Variants in CELF4 observed in about 807,000 individuals in gnomAD.
CELF4 encodes CUG-BP- and ETR-3-like factor 4.
Under a neutral mutation model 59.9 loss-of-function variants are expected in CELF4, and 18 were observed. The observed-to-expected ratio is 0.30, with a 90% CI of 0.21 to 0.45. The LOEUF (loss-of-function observed/expected upper bound fraction) is 0.45. CELF4 is among the 20% of genes least tolerant of loss of function. The pLI is 1.00. For synonymous variants in CELF4, 261 were observed against 267.1 expected (o/e 0.98, Z 0.22); for missense variants, 456 against 689.0 (o/e 0.66, Z 3.79).
intron 3 of CELF4, among the ~76,000 whole-genome samples, chr18:37,287,002 G>A (rs1430008949): frequency 1.3e-5 from 2 of 152,158 alleles, no homozygotes; most frequent in Non-Finnish European, 2.9e-5. Flanking sequence ...CTGCCCCTGC[G>A]CCCTCAGGAC....
chr18:37,427,045 G>GC (rs970674478), intron 2 of CELF4, among the ~76,000 whole-genome samples: 1 of 151,920 alleles, frequency 6.6e-6, no homozygotes, highest in Admixed American at 6.6e-5. Flanking sequence ...CACGGGGGGG[G>GC]GGGAAGCTGG....
chr18:37,432,317 C>G (rs1447326177), intron 2 of CELF4, among the ~76,000 whole-genome samples: 6 of 152,208 alleles, frequency 3.9e-5, no homozygotes, highest in Admixed American at 3.3e-4. Flanking sequence ...TCTGAGGAGG[C>G]CCCCAACTCC....
At chr18:37,275,066 C>T (rs1569475280) in intron 4 of CELF4, 49 bp downstream of exon 4, 4 of 1,600,764 alleles carry the variant, frequency 2.5e-6, no homozygotes, top group African/African-American at 2.7e-5. Flanking sequence ...GGTCTCCCTC[C>T]GCCTCGCCCC....
At position 37,397,839 on chromosome 18, in the gene CELF4, ACCT is replaced by A. The variant is rs1212005813; in HGVS notation, c.370-75961_370-75959del. ...CCAAATCTCTGAATCTGAGCTCTGT[ACCT>A]CCCAGGAATTCCATCCCCAGACCCT... On this transcript the variant is annotated intron_variant, in intron 2 of 12. Transcript: ENST00000420428. 8.5e-5 allele frequency among the ~76,000 whole-genome samples: 13 copies of A among 152,144 alleles called. No homozygotes were observed. In the South Asian group the frequency reaches 2.7e-3, roughly 32 times the overall value.
At chr18:37,520,892 A>G (rs2099956572) in intron 1 of CELF4, among the ~76,000 whole-genome samples, 1 of 152,110 alleles carries the variant, frequency 6.6e-6, no homozygotes, top group South Asian at 2.1e-4. Flanking sequence ...AGATTGATGG[A>G]CAGTGGGGAC....
At chr18:37,451,488 T>C (rs1275799618) in intron 2 of CELF4, among the ~76,000 whole-genome samples, 1 of 152,128 alleles carries the variant, frequency 6.6e-6, no homozygotes, top group African/African-American at 2.4e-5. Context: ...CCCATGTGCA[T>C]GTGTGTCACT....
At position 37,268,273 on chromosome 18, in the gene CELF4, A is replaced by G. The variant is rs1232909203; in HGVS notation, c.1100-1675T>C. Among the ~76,000 whole-genome samples, 5 of 151,962 alleles carry G rather than the reference A, an allele frequency of 3.3e-5. No homozygotes were observed. The East Asian group carries it at 9.7e-4, about 29-fold the overall frequency. The stretch of plus-strand genomic sequence containing the variant: ...CACACCCTGTCCCTCTATTTCCCCC[A>G]TGGTAGAGACTGGCGCTGAGGGCTC... On this transcript the variant is annotated intron_variant, in intron 8 of 12. Transcript: ENST00000420428.
At chr18:37,423,991 G>T (rs898923827) in intron 2 of CELF4, among the ~76,000 whole-genome samples, 8 of 151,904 alleles carry the variant, frequency 5.3e-5, no homozygotes, top group African/African-American at 1.9e-4. Flanking sequence ...CTCCGCCACC[G>T]AGAAGCCTTC....
At chr18:37,255,922 A>G (rs1306556084) in intron 11 of CELF4, among the ~76,000 whole-genome samples, 1 of 152,232 alleles carries the variant, frequency 6.6e-6, no homozygotes, top group Non-Finnish European at 1.5e-5. Context: ...GAAGTTCTGG[A>G]GGAGGGCAGA....
intron 7 of CELF4, 25 bp downstream of exon 7, chr18:37,272,991 C>A (rs530599741): frequency 2.5e-5 from 40 of 1,593,798 alleles, no homozygotes; most frequent in Non-Finnish European, 3.2e-5. Flanking sequence ...CGGGCCAGAC[C>A]GCGTGTTGGC....
At chr18:37,380,215 ATC>A (rs2099020686) in intron 2 of CELF4, among the ~76,000 whole-genome samples, 1 of 152,114 alleles carries the variant, frequency 6.6e-6, no homozygotes. Flanking sequence ...ACCAGCTGCC[ATC>A]CCTCCCACTT....
At chr18:37,558,525 A>G (rs905861768) in intron 1 of CELF4, among the ~76,000 whole-genome samples, 1 of 110,072 alleles carries the variant, frequency 9.1e-6, no homozygotes, top group African/African-American at 3.6e-5. Context: ...AAGGAGAGGA[A>G]GGATGATGAA....
At chr18:37,535,143 A>G (rs1311334105) in intron 1 of CELF4, among the ~76,000 whole-genome samples, 1 of 152,134 alleles carries the variant, frequency 6.6e-6, no homozygotes, top group African/African-American at 2.4e-5. Flanking sequence ...CTTCTCCAAC[A>G]ATAGAACACC....
intron 2 of CELF4, among the ~76,000 whole-genome samples, chr18:37,358,740 G>C (rs2098648648): frequency 6.6e-6 from 1 of 152,194 alleles, no homozygotes. Context: ...AGGACTGCAG[G>C]CTCCAAGAGG....
At chr18:37,469,772 T>A (rs1445970815) in intron 2 of CELF4, among the ~76,000 whole-genome samples, 1 of 152,208 alleles carries the variant, frequency 6.6e-6, no homozygotes, top group Non-Finnish European at 1.5e-5. Context: ...TCCATTGATT[T>A]ATCTATCAGT....
intron 3 of CELF4, among the ~76,000 whole-genome samples, chr18:37,280,297 G>T (rs868260783): frequency 2.2e-4 from 33 of 152,214 alleles, no homozygotes; most frequent in Non-Finnish European, 4.1e-4. Context: ...CCCTCTGGCT[G>T]CCCCTTCAGC....
chr18:37,254,419 A>G lies in CELF4; in HGVS notation c.1334-481T>C, dbSNP rs1196630627. On this transcript the variant is annotated intron_variant, in intron 11 of 12. Coordinates refer to ENST00000420428, the MANE Select transcript of CELF4 (RefSeq NM_020180.4). The surrounding 1 kb of genome is among the most constrained non-coding windows in gnomAD (Gnocchi z 5.1). ...AGACGAGTGCGAGGGGCCGGGAGGGAGGCGCCGCCGAGAAACTTCTCCACC... is the reference window on the plus strand; with the variant it reads ...AGACGAGTGCGAGGGGCCGGGAGGGGGGCGCCGCCGAGAAACTTCTCCACC... Among the ~76,000 whole-genome samples, 1 of 150,202 alleles carries G rather than the reference A, an allele frequency of 6.7e-6. No individual in the cohort carries two copies. The highest frequency in any genetic ancestry group is 1.5e-5 in the Non-Finnish European group (1 of 67,498).
intron 2 of CELF4, among the ~76,000 whole-genome samples, chr18:37,422,731 C>T (rs1156950869): frequency 6.6e-6 from 1 of 152,126 alleles, no homozygotes; most frequent in African/African-American, 2.4e-5. Flanking sequence ...GTACAGTTGC[C>T]CTGTTACATT....
intron 9 of CELF4, among the ~76,000 whole-genome samples, chr18:37,265,564 G>A (rs558924261): frequency 1.3e-5 from 2 of 152,314 alleles, no homozygotes; most frequent in East Asian, 3.9e-4. Context: ...AAGGCTGCCA[G>A]GGGGTAGTCC....
Sources: gnomAD v4.1 joint callset for allele counts (sites outside exome capture counted in the v4.1 genomes callset) on GRCh38, gnomAD v4.1.1 for gene constraint, Gnocchi (gnomAD v3.1) non-coding constraint, MANE v1.5 for transcripts, NCBI Gene and HGNC (gene_info 2026-07-23, HGNC 2026-07-21) for gene names.